The following FRMD4A variants were observed in gnomAD, a reference collection of about 807,000 sequenced individuals.
FRMD4A encodes FERM domain containing 4A.
In FRMD4A, 29 loss-of-function variants were observed where a neutral mutation model predicts 129.1. The observed-to-expected ratio is 0.22, with a 90% CI of 0.17 to 0.31. The LOEUF (loss-of-function observed/expected upper bound fraction) is 0.31. Among genes scored for constraint, FRMD4A ranks in the 10% least tolerant of loss-of-function variants. The probability of loss-of-function intolerance (pLI) is 1.00; values close to 1 mark genes in which losing one functional copy is unlikely to be tolerated. For missense variants in FRMD4A, 1,272 were observed against 1,375.8 expected, an observed-to-expected ratio of 0.92 and a Z score of 1.19; for synonymous variants, 634 against 571.6, an observed-to-expected ratio of 1.11 and a Z score of -1.56.
chr10:14,310,232 A>G (rs1846498616), intron 2 of FRMD4A, among the ~76,000 whole-genome samples: 1 of 152,084 alleles, frequency 6.6e-6, no homozygotes, highest in Admixed American at 6.5e-5. Flanking sequence ...TACGCACTCA[A>G]TTTGGCCTTC....
intron 9 of FRMD4A, among the ~76,000 whole-genome samples, chr10:13,746,911 G>C (rs1019898412): frequency 2.0e-5 from 3 of 152,124 alleles, no homozygotes; most frequent in Admixed American, 6.5e-5. Flanking sequence ...TTCAGAATCA[G>C]CCATTTAGGG....
chr10:13,980,685 A>G (rs1243465539), intron 2 of FRMD4A, among the ~76,000 whole-genome samples: 1 of 152,228 alleles, frequency 6.6e-6, no homozygotes, highest in Non-Finnish European at 1.5e-5. Flanking sequence ...GCACCACTGC[A>G]CTCCAGCTTG....
At chr10:13,896,603 G>T (rs538525846) in intron 2 of FRMD4A, among the ~76,000 whole-genome samples, 2 of 152,056 alleles carry the variant, frequency 1.3e-5, no homozygotes, top group Admixed American at 1.3e-4. Context: ...GGGTTAATAG[G>T]TTCAGCAAAT....
rs941568950 is a variant in FRMD4A at position 13,970,897 on chromosome 10, C to T, written c.46-111985G>A. Among the ~76,000 whole-genome samples the T allele has an allele frequency of 2.1e-4, 32 of 152,346 alleles. No individual in the cohort carries two copies. The East Asian group carries it at 4.1e-3, about 19-fold the overall frequency. On this transcript the variant is annotated intron_variant, in intron 2 of 24. Transcript: ENST00000357447. ...AACTGACTCAGAAGTGCCACTCTCC[C>T]TCAGGAAAGTTTCTCTCCTTTTCTC...
At chr10:14,079,444 A>C (rs1835800248) in intron 2 of FRMD4A, among the ~76,000 whole-genome samples, 1 of 152,244 alleles carries the variant, frequency 6.6e-6, no homozygotes, top group African/African-American at 2.4e-5. Flanking sequence ...TCAATCAAAC[A>C]AAAATGACCG....
intron 2 of FRMD4A, among the ~76,000 whole-genome samples, chr10:13,935,446 CAAAAAAAA>C (rs71388135): frequency 2.5e-4 from 9 of 36,422 alleles, no homozygotes; most frequent in African/African-American, 5.9e-4. Context: ...AACTCCATCT[CAAAAAAAA>C]AAAAAAAAAA....
chr10:14,053,709 C>T (rs771341271), intron 2 of FRMD4A, among the ~76,000 whole-genome samples: 1 of 152,128 alleles, frequency 6.6e-6, no homozygotes, highest in Non-Finnish European at 1.5e-5. Flanking sequence ...TTATGGCCCC[C>T]ATCCACCTCC....
intron 3 of FRMD4A, among the ~76,000 whole-genome samples, chr10:13,822,597 T>C (rs564511424): frequency 1.6e-4 from 25 of 152,144 alleles, no homozygotes; most frequent in Non-Finnish European, 2.1e-4. Flanking sequence ...GACACCCTCT[T>C]GAGCTGGTTT....
chr10:13,901,904 T>C (rs2094824215), intron 2 of FRMD4A, among the ~76,000 whole-genome samples: 1 of 152,220 alleles, frequency 6.6e-6, no homozygotes, highest in Non-Finnish European at 1.5e-5. Context: ...AAGTCAGACC[T>C]ACTCCAAATT....
At chr10:14,088,376 G>A (rs994663918) in intron 2 of FRMD4A, among the ~76,000 whole-genome samples, 1 of 151,708 alleles carries the variant, frequency 6.6e-6, no homozygotes, top group Non-Finnish European at 1.5e-5. Context: ...GAGCGTGGGC[G>A]GCCGAAGCTG....
intron 2 of FRMD4A, among the ~76,000 whole-genome samples, chr10:13,922,666 G>C (rs561749697): frequency 6.6e-6 from 1 of 152,140 alleles, no homozygotes; most frequent in Admixed American, 6.5e-5. Context: ...AGATCATACT[G>C]CTTCTGACTA....
chr10:13,807,059 G>A (rs575125812), intron 4 of FRMD4A, among the ~76,000 whole-genome samples: 2 of 152,174 alleles, frequency 1.3e-5, no homozygotes, highest in Admixed American at 6.5e-5. Context: ...CGCCCACCTC[G>A]GCCTCCCAAA....
intron 15 of FRMD4A, among the ~76,000 whole-genome samples, chr10:13,682,152 G>A (rs757182263): frequency 2.6e-5 from 4 of 152,084 alleles, no homozygotes; most frequent in African/African-American, 4.8e-5. Context: ...TCAGCAGAGG[G>A]TGTTGAGGCT....
intron 3 of FRMD4A, among the ~76,000 whole-genome samples, chr10:13,826,038 A>G (rs1450888926): frequency 6.6e-6 from 1 of 152,186 alleles, no homozygotes; most frequent in Non-Finnish European, 1.5e-5. Context: ...CCCGATGTGT[A>G]CCTTGATCAG....
At chr10:14,215,263 C>G (rs367897016) in intron 2 of FRMD4A, among the ~76,000 whole-genome samples, 102 of 152,166 alleles carry the variant, frequency 6.7e-4, no homozygotes, top group African/African-American at 2.4e-3. Flanking sequence ...ACAAGCCAGG[C>G]CCTAAAATAA....
chr10:13,746,869 C>A (rs1307194833), intron 9 of FRMD4A, among the ~76,000 whole-genome samples: 1 of 152,186 alleles, frequency 6.6e-6, no homozygotes, highest in Non-Finnish European at 1.5e-5. Context: ...GCCCAAACCA[C>A]AACCTGGGAG....
intron 8 of FRMD4A, among the ~76,000 whole-genome samples, chr10:13,760,719 C>G (rs1003845369): frequency 2.6e-5 from 4 of 152,106 alleles, no homozygotes; most frequent in Non-Finnish European, 5.9e-5. Flanking sequence ...TTAGATGGAG[C>G]AGAGGTACGA....
chr10:14,077,545 A>T (rs1051609338), intron 2 of FRMD4A, among the ~76,000 whole-genome samples: 34 of 152,224 alleles, frequency 2.2e-4, no homozygotes, highest in Middle Eastern at 3.4e-3. Flanking sequence ...TATTGGCAAA[A>T]ATGTCCATTT....
At chr10:14,149,158 T>C (rs1840224493) in intron 2 of FRMD4A, among the ~76,000 whole-genome samples, 1 of 152,224 alleles carries the variant, frequency 6.6e-6, no homozygotes. Context: ...CATAGACCAT[T>C]GTTTTTATAG....
Sources: gnomAD v4.1 joint callset for allele counts (sites outside exome capture counted in the v4.1 genomes callset) on GRCh38, gnomAD v4.1.1 for gene constraint, MANE v1.5 for transcripts, NCBI Gene and HGNC (gene_info 2026-07-23, HGNC 2026-07-21) for gene names.